PEX5L: variants seen among roughly 807,000 people sequenced by gnomAD.
PEX5L encodes PEX5-related protein.
A neutral mutation model predicts 84.0 loss-of-function variants in PEX5L; 30 were observed. The ratio of observed to expected loss-of-function variants is 0.36; its 90% CI spans 0.27 to 0.48. The LOEUF is 0.48. PEX5L is among the 20% of genes least tolerant of loss of function. The pLI is 0.99. For missense variants in PEX5L, 533 were observed against 754.6 expected, an observed-to-expected ratio of 0.71 and a Z score of 3.44; for synonymous variants, 270 against 283.1, an observed-to-expected ratio of 0.95 and a Z score of 0.46.
intron 14 of PEX5L, 27 bp downstream of exon 14, chr3:179,807,647 C>T: frequency 1.2e-6 from 2 of 1,606,660 alleles, no homozygotes; most frequent in Non-Finnish European, 1.7e-6. Context: ...GCATGGCCTT[C>T]ATCCTTGGCC....
At chr3:179,989,257 TCTAGGAG>T (rs1787163586) in intron 1 of PEX5L, among the ~76,000 whole-genome samples, 1 of 152,212 alleles carries the variant, frequency 6.6e-6, no homozygotes, top group African/African-American at 2.4e-5. Flanking sequence ...ATCACCACGA[TCTAGGAG>T]AGCATGATAA....
At chr3:180,004,015 G>A (rs1273081369) in intron 1 of PEX5L, among the ~76,000 whole-genome samples, 1 of 152,190 alleles carries the variant, frequency 6.6e-6, no homozygotes, top group East Asian at 1.9e-4. Context: ...CCCCGCCCAA[G>A]AGGTGTGACA....
chr3:179,995,754 T>TA (rs1345292485), intron 1 of PEX5L, among the ~76,000 whole-genome samples: 5 of 152,054 alleles, frequency 3.3e-5, no homozygotes, highest in African/African-American at 4.8e-5. Flanking sequence ...GCTGAAATTG[T>TA]AAAAAAACAG....
At chr3:180,016,932 C>T (rs946966556) in intron 1 of PEX5L, among the ~76,000 whole-genome samples, 5 of 152,040 alleles carry the variant, frequency 3.3e-5, no homozygotes, top group African/African-American at 1.2e-4. Flanking sequence ...TTCATGAATC[C>T]AAGTATTTAA....
chr3:179,935,870 C>T (rs559002321), intron 2 of PEX5L, among the ~76,000 whole-genome samples: 8 of 152,282 alleles, frequency 5.3e-5, no homozygotes, highest in African/African-American at 1.7e-4. Context: ...GAATGGGTTG[C>T]TATAAAGTGA....
chr3:179,831,336 C>T (rs9847559), intron 8 of PEX5L, among the ~76,000 whole-genome samples: 2,018 of 149,298 alleles, frequency 0.014, 45 homozygotes, highest in African/African-American at 0.048. Context: ...AAAAAAAAAA[C>T]CTACAAGACC....
At position 179,807,788 on chromosome 3, in the gene PEX5L, C is replaced by T. The variant is rs1446887075; in HGVS notation, c.1562G>A (p.Gly521Glu). The change falls in exon 14 of 15, where the codon GGA (glycine) becomes GAA (glutamate). Residue 521 changes from glycine to glutamate, a missense_variant. Around this residue, in one of 8 missense-constraint regions of PEX5L, gnomAD observed 105 missense variants for 204.6 expected, o/e 0.51. Transcript: ENST00000467460. ...CTCCACGGCTTCCTCGCTGCGGTCT[C>T]CGTTCGCCAAGGTCGCCCCGAGGCG... is the stretch of plus-strand genomic sequence containing the variant. Reference protein sequence around the residue: ...WNRLGATLANGDRSEEAVEAY... With the variant: ...WNRLGATLANEDRSEEAVEAY... The T allele has an allele frequency of 6.2e-7, 1 of 1,614,094 alleles. No homozygotes were observed. Among genetic ancestry groups the T allele is most frequent in the African/African-American group, 1.3e-5 (1 of 75,074 alleles).
chr3:179,845,131 C>T (rs1026674528), intron 8 of PEX5L, among the ~76,000 whole-genome samples: 4 of 152,172 alleles, frequency 2.6e-5, no homozygotes, highest in South Asian at 2.1e-4. Flanking sequence ...GGGATTCACC[C>T]CTTTTATATG....
chr3:179,910,480 C>T (rs1764778878), intron 2 of PEX5L, among the ~76,000 whole-genome samples: 1 of 152,128 alleles, frequency 6.6e-6, no homozygotes, highest in Admixed American at 6.6e-5. Flanking sequence ...TTAATATAGA[C>T]ATTAGTCAAG....
At chr3:179,970,372 T>C (rs932706163) in intron 2 of PEX5L, among the ~76,000 whole-genome samples, 1 of 152,134 alleles carries the variant, frequency 6.6e-6, no homozygotes, top group African/African-American at 2.4e-5. Flanking sequence ...TGATAGTTAA[T>C]AGCCCAGTAG....
At chr3:179,917,320 G>C (rs2109329688) in intron 2 of PEX5L, among the ~76,000 whole-genome samples, 2 of 151,200 alleles carry the variant, frequency 1.3e-5, no homozygotes, top group African/African-American at 4.9e-5. Context: ...GCCTAAGGCT[G>C]TTTTACAGCT....
chr3:179,825,760 T>C (rs1730254276), intron 8 of PEX5L, among the ~76,000 whole-genome samples: 1 of 152,238 alleles, frequency 6.6e-6, no homozygotes, highest in African/African-American at 2.4e-5. Context: ...AGTTTCTTCA[T>C]CTGTAAATTG....
chr3:179,924,238 C>T (rs754435062), intron 2 of PEX5L, among the ~76,000 whole-genome samples: 3 of 152,122 alleles, frequency 2.0e-5, no homozygotes, highest in Non-Finnish European at 2.9e-5. Flanking sequence ...CCTTAGGGCT[C>T]TTTATCTGAA....
intron 14 of PEX5L, among the ~76,000 whole-genome samples, chr3:179,807,289 A>AC (rs1721685508): frequency 6.6e-6 from 1 of 151,938 alleles, no homozygotes. Flanking sequence ...CCTTGCCCAC[A>AC]CCCCCAAGGC....
intron 1 of PEX5L, among the ~76,000 whole-genome samples, chr3:179,985,290 G>C (rs561173588): frequency 1.3e-5 from 2 of 152,226 alleles, no homozygotes; most frequent in East Asian, 3.9e-4. Context: ...GGGTAGCTTT[G>C]GCTTCATCCA....
At chr3:179,842,145 A>C (rs1737556204) in intron 8 of PEX5L, among the ~76,000 whole-genome samples, 1 of 152,212 alleles carries the variant, frequency 6.6e-6, no homozygotes, top group Non-Finnish European at 1.5e-5. Context: ...AATATTATAC[A>C]TGCACCAACT....
chr3:179,959,707 A>C (rs918968108), intron 2 of PEX5L, among the ~76,000 whole-genome samples: 2 of 152,204 alleles, frequency 1.3e-5, no homozygotes, highest in Admixed American at 1.3e-4. Context: ...GTATCAAAAA[A>C]ATATGATTCC....
chr3:179,894,540 A>T (rs953571976), intron 3 of PEX5L, among the ~76,000 whole-genome samples: 37 of 152,144 alleles, frequency 2.4e-4, no homozygotes, highest in African/African-American at 8.7e-4. Context: ...GGAAATGAAC[A>T]GATCACAGCT....
intron 7 of PEX5L, among the ~76,000 whole-genome samples, chr3:179,866,554 T>G (rs534718150): frequency 5.9e-4 from 90 of 152,330 alleles, no homozygotes; most frequent in African/African-American, 2.1e-3. Context: ...AATACAACTT[T>G]GCTTTCATTA....
Sources: gnomAD v4.1 joint callset for allele counts (sites outside exome capture counted in the v4.1 genomes callset) on GRCh38, gnomAD v4.1.1 for gene constraint, gnomAD v4.1.1 regional missense constraint, MANE v1.5 for transcripts, NCBI Gene and HGNC (gene_info 2026-07-23, HGNC 2026-07-21) for gene names.